The following CA10 variants were observed in gnomAD, a reference collection of about 807,000 sequenced individuals.
CA10 encodes carbonic anhydrase 10 (inactive).
In CA10, 14 loss-of-function variants were observed where a neutral mutation model predicts 44.2. The ratio of observed to expected loss-of-function variants is 0.32; its 90% CI spans 0.21 to 0.50. The LOEUF (loss-of-function observed/expected upper bound fraction) is 0.50. Ranked by LOEUF, CA10 falls within the 20% of genes least tolerant of loss-of-function variation. The pLI is 0.99. For missense variants in CA10, 350 were observed against 409.7 expected, an observed-to-expected ratio of 0.85 and a Z score of 1.26; for synonymous variants, 159 against 141.6, an observed-to-expected ratio of 1.12 and a Z score of -0.87.
intron 2 of CA10, among the ~76,000 whole-genome samples, chr17:52,022,556 C>T (rs907428993): frequency 6.6e-6 from 1 of 152,036 alleles, no homozygotes; most frequent in African/African-American, 2.4e-5. Context: ...TAGAACAAGA[C>T]AAGGATGCCA....
At chr17:51,932,334 G>A (rs193099882) in intron 2 of CA10, among the ~76,000 whole-genome samples, 116 of 152,194 alleles carry the variant, frequency 7.6e-4, no homozygotes, top group African/African-American at 2.4e-3. Context: ...TTGAATAAAG[G>A]CTTTAACTTA....
At position 52,068,889 on chromosome 17, in the gene CA10, T is replaced by C. The variant is rs537299714; in HGVS notation, c.136+3430A>G. Among the ~76,000 whole-genome samples the C allele has an allele frequency of 1.2e-3, 184 of 152,272 alleles. 4 individuals are homozygous for C. In the South Asian group the frequency reaches 0.022, roughly 18 times the overall value. ...CTCTGGGTTCTCCTGAGAAAGAGAA[T>C]CAACAGAATGGGGTGACAGTGAGAG... On this transcript the variant is annotated intron_variant, in intron 2 of 8. Coordinates refer to ENST00000451037, the MANE Select transcript of CA10 (RefSeq NM_020178.5).
intron 2 of CA10, among the ~76,000 whole-genome samples, chr17:51,985,145 C>T (rs937255457): frequency 6.6e-6 from 1 of 151,888 alleles, no homozygotes; most frequent in African/African-American, 2.4e-5. Flanking sequence ...AATCCAACAA[C>T]ATATCAAAAA....
intron 2 of CA10, among the ~76,000 whole-genome samples, chr17:51,988,783 G>A (rs189801395): frequency 6.6e-6 from 1 of 151,842 alleles, no homozygotes; most frequent in Admixed American, 6.6e-5. Flanking sequence ...AATAGGAGAT[G>A]CATATATAAT....
chr17:51,882,472 G>T (rs1980419756), intron 3 of CA10, among the ~76,000 whole-genome samples: 1 of 152,184 alleles, frequency 6.6e-6, no homozygotes, highest in Admixed American at 6.5e-5. Context: ...GTTGGGGGAG[G>T]ATGGCAATCC....
intron 1 of CA10, among the ~76,000 whole-genome samples, chr17:52,149,003 G>A (rs1446287136): frequency 6.6e-6 from 1 of 152,184 alleles, no homozygotes; most frequent in Non-Finnish European, 1.5e-5. Flanking sequence ...CTAACCTTGT[G>A]TTGGAGGACA....
upstream of CA10, among the ~76,000 whole-genome samples, chr17:52,159,043 G>A (rs1473693203): frequency 2.0e-5 from 3 of 152,230 alleles, no homozygotes; most frequent in Non-Finnish European, 4.4e-5. Flanking sequence ...GGCTGCCTCT[G>A]TTACCCTCCA....
rs118082699 is a variant in CA10 at position 51,788,167 on chromosome 17, T to A, written c.280-40349A>T. ...GTGTTTCCATTATCATTTGCTCCAATATTTTTTTCAATTTCCTTCTGAATT... is the reference window on the plus strand; with the variant it reads ...GTGTTTCCATTATCATTTGCTCCAAAATTTTTTTCAATTTCCTTCTGAATT... On this transcript the variant is annotated intron_variant, in intron 3 of 8. Coordinates refer to ENST00000451037, the MANE Select transcript of CA10 (RefSeq NM_020178.5). Among the ~76,000 whole-genome samples the A allele has an allele frequency of 2.5e-3, 377 of 152,338 alleles. 5 individuals are homozygous for A. Among genetic ancestry groups the A allele is most frequent in the East Asian group, 0.02 (102 of 5,188 alleles).
At chr17:52,028,888 A>G (rs1412688867) in intron 2 of CA10, among the ~76,000 whole-genome samples, 1 of 152,162 alleles carries the variant, frequency 6.6e-6, no homozygotes, top group Admixed American at 6.6e-5. Context: ...TTACATTTCA[A>G]TTTTTACCTT....
At chr17:51,692,470 G>T (rs1915247061) in intron 4 of CA10, among the ~76,000 whole-genome samples, 1 of 151,292 alleles carries the variant, frequency 6.6e-6, no homozygotes. Flanking sequence ...TAAAACCTAA[G>T]ATTATCTCAT....
At chr17:51,767,351 C>A (rs2143649219) in intron 3 of CA10, among the ~76,000 whole-genome samples, 1 of 152,254 alleles carries the variant, frequency 6.6e-6, no homozygotes, top group Admixed American at 6.5e-5. Context: ...ATTTGTAAAA[C>A]AAACTTGATA....
chr17:51,863,490 G>A (rs1979407470), intron 3 of CA10, among the ~76,000 whole-genome samples: 1 of 152,122 alleles, frequency 6.6e-6, no homozygotes, highest in Non-Finnish European at 1.5e-5. Context: ...CTTTGATTTT[G>A]CTAGCTAGAC....
chr17:51,743,104 G>T (rs1209489502), intron 4 of CA10, among the ~76,000 whole-genome samples: 1 of 152,178 alleles, frequency 6.6e-6, no homozygotes, highest in Non-Finnish European at 1.5e-5. Context: ...TTAACAGGAG[G>T]AACTGGCTAT....
At chr17:51,918,735 G>A (rs944973113) in intron 3 of CA10, among the ~76,000 whole-genome samples, 1 of 152,098 alleles carries the variant, frequency 6.6e-6, no homozygotes, top group Admixed American at 6.6e-5. Context: ...TAGACACTGG[G>A]TTTGCTCTAT....
intron 3 of CA10, among the ~76,000 whole-genome samples, chr17:51,828,991 TA>T (rs1908131704): frequency 6.6e-6 from 1 of 152,234 alleles, no homozygotes; most frequent in African/African-American, 2.4e-5. Context: ...GTGATTTTAT[TA>T]AGATGTCTGG....
chr17:51,953,554 G>C (rs1983562211), intron 2 of CA10, among the ~76,000 whole-genome samples: 1 of 151,386 alleles, frequency 6.6e-6, no homozygotes, highest in Non-Finnish European at 1.5e-5. Flanking sequence ...AGGGATATTT[G>C]ACATCTGAGT....
chr17:51,889,017 C>T (rs1408983244), intron 3 of CA10, among the ~76,000 whole-genome samples: 2 of 152,132 alleles, frequency 1.3e-5, no homozygotes, highest in East Asian at 3.9e-4. Context: ...TGGCCGGGAG[C>T]TCAGCTGGTG....
chr17:52,118,937 T>C (rs1988954826), intron 1 of CA10, among the ~76,000 whole-genome samples: 1 of 152,148 alleles, frequency 6.6e-6, no homozygotes, highest in African/African-American at 2.4e-5. Flanking sequence ...ATTTTGGAGA[T>C]TGTGACATTG....
intron 4 of CA10, among the ~76,000 whole-genome samples, chr17:51,701,045 A>G (rs1404323354): frequency 6.6e-6 from 1 of 152,100 alleles, no homozygotes; most frequent in East Asian, 1.9e-4. Context: ...CTATGAAACA[A>G]CCCTGTATGC....
Sources: gnomAD v4.1 joint callset for allele counts (sites outside exome capture counted in the v4.1 genomes callset) on GRCh38, gnomAD v4.1.1 for gene constraint, MANE v1.5 for transcripts, NCBI Gene and HGNC (gene_info 2026-07-23, HGNC 2026-07-21) for gene names.